The following FAAH2 variants were observed in gnomAD, a reference collection of about 807,000 sequenced individuals.
FAAH2 encodes fatty acid amide hydrolase 2, also known as fatty-acid amide hydrolase 2.
Under a neutral mutation model 36.9 loss-of-function variants are expected in FAAH2, and 60 were observed. That is an observed-to-expected ratio of 1.63 (90% CI 1.32 to 2.02). The LOEUF (loss-of-function observed/expected upper bound fraction) is 2.02, where lower values mean the gene tolerates loss of function less well. FAAH2 is among the 30% of genes most tolerant of loss of function. The pLI is 0.00. For missense variants in FAAH2, 689 were observed against 397.5 expected (o/e 1.73, Z -6.23); for synonymous variants, 214 against 143.8 (o/e 1.49, Z -3.49).
At chrX:57,344,164 G>A (rs1266794097) in intron 5 of FAAH2, among the ~76,000 whole-genome samples, 12 of 108,697 alleles carry the variant, frequency 1.1e-4, no homozygotes, top group East Asian at 5.8e-4. Flanking sequence ...ACAGTATTTC[G>A]ATAGGGATAA....
At chrX:57,470,277 C>CA (rs1569367173) in intron 10 of FAAH2, among the ~76,000 whole-genome samples, 1 of 110,674 alleles carries the variant, frequency 9.0e-6, no homozygotes. Context: ...GATAGAGACA[C>CA]AAAAAACCCT....
Position 57,401,036 on chromosome X carries a change from T to C in FAAH2, c.996+20007T>C, listed in dbSNP as rs771494897. ...CACTTGGGAGGCTGAGGCAGAAGAA[T>C]GGTGTGAACCCAGGAGACAGAGCCT... On this transcript the variant is annotated intron_variant, in intron 7 of 10. Coordinates refer to ENST00000374900, the MANE Select transcript of FAAH2 (RefSeq NM_174912.4). Among the ~76,000 whole-genome samples, 4 of 111,388 alleles carry C rather than the reference T, an allele frequency of 3.6e-5. No homozygotes were observed. The South Asian group carries it at 1.5e-3, about 42-fold the overall frequency.
At chrX:57,418,275 T>A (rs967597248) in intron 7 of FAAH2, among the ~76,000 whole-genome samples, 2 of 111,603 alleles carry the variant, frequency 1.8e-5, no homozygotes, top group Non-Finnish European at 3.8e-5. Context: ...CCACCGGGCT[T>A]TGAGAAAAAA....
rs754229057 is a variant in FAAH2, at chrX:57,286,862, C to G, written c.37C>G (p.Leu13Val). ...PSFTARIQLF[L>V]LRALGFLIGL... ...ATTTACCGCCCGCATTCAGTTGTTC[C>G]TCTTGCGGGCGCTAGGCTTTCTCAT... Residue 13 changes from leucine (L) to valine (V), a missense_variant, in exon 1 of 11, where the codon CTC (leucine) becomes GTC (valine). By Grantham distance (32) the Leu-to-Val change is conservative. Transcript: ENST00000374900. 1 of 1,190,484 alleles carries G rather than the reference C, an allele frequency of 8.4e-7. No homozygotes were observed. The highest frequency in any genetic ancestry group is 1.9e-5 in the South Asian group (1 of 53,153).
the FAAH2 span, among the ~76,000 whole-genome samples, chrX:57,127,720 C>A: frequency 9.0e-6 from 1 of 111,028 alleles, no homozygotes; most frequent in African/African-American, 3.3e-5. Flanking sequence ...ATCTCATTTC[C>A]TTTTTCTCCT....
chrX:57,336,933 C>T (rs892845406), intron 4 of FAAH2, among the ~76,000 whole-genome samples: 2 of 100,292 alleles, frequency 2.0e-5, no homozygotes, highest in Non-Finnish European at 4.0e-5. Context: ...ACAAAAAATC[C>T]TTCAAAAATC....
chrX:57,296,988 G>A (rs1316523294), intron 2 of FAAH2, among the ~76,000 whole-genome samples: 4 of 109,951 alleles, frequency 3.6e-5, no homozygotes, highest in African/African-American at 1.3e-4. Flanking sequence ...TGGTGTACCT[G>A]AAAGTCACGG....
At chrX:57,291,417 G>C (rs2051978804) in intron 1 of FAAH2, among the ~76,000 whole-genome samples, 1 of 111,713 alleles carries the variant, frequency 9.0e-6, no homozygotes, top group African/African-American at 3.2e-5. Context: ...TTTTCACCTA[G>C]TATATGTTTG....
intron 5 of FAAH2, among the ~76,000 whole-genome samples, chrX:57,358,967 C>T (rs2054226025): frequency 9.0e-6 from 1 of 110,801 alleles, no homozygotes; most frequent in South Asian, 3.8e-4. Flanking sequence ...GCATAAAATG[C>T]ATAGTAATCA....
the FAAH2 span, among the ~76,000 whole-genome samples, chrX:57,191,845 A>G: frequency 2.7e-5 from 3 of 111,853 alleles, no homozygotes; most frequent in Non-Finnish European, 3.8e-5. Flanking sequence ...TGGTCTATGC[A>G]TCTTTTTATG....
intron 7 of FAAH2, among the ~76,000 whole-genome samples, chrX:57,430,565 A>G (rs2056271394): frequency 9.0e-6 from 1 of 111,517 alleles, no homozygotes; most frequent in Non-Finnish European, 1.9e-5. Context: ...CTCTGCTTAT[A>G]CAGATTTAGT....
the FAAH2 span, among the ~76,000 whole-genome samples, chrX:57,226,893 A>G: frequency 1.8e-5 from 2 of 111,676 alleles, no homozygotes; most frequent in South Asian, 3.7e-4. Context: ...TAATTCAAAG[A>G]CTTTGTCTTC....
At chrX:57,347,035 G>A (rs1161054832) in intron 5 of FAAH2, among the ~76,000 whole-genome samples, 1 of 111,170 alleles carries the variant, frequency 9.0e-6, no homozygotes, top group Non-Finnish European at 1.9e-5. Context: ...TGATGGCTAT[G>A]TTCCTTGTGG....
chrX:57,455,627 A>G (rs1231893478), intron 10 of FAAH2, among the ~76,000 whole-genome samples: 1 of 112,195 alleles, frequency 8.9e-6, no homozygotes, highest in Non-Finnish European at 1.9e-5. Flanking sequence ...ATAGAAAACA[A>G]CAACAACAAA....
chrX:57,206,813 T>C, the FAAH2 span, among the ~76,000 whole-genome samples: 1 of 112,216 alleles, frequency 8.9e-6, no homozygotes, highest in African/African-American at 3.2e-5. Context: ...AATTAATGGC[T>C]CTTAAGTCAG....
chrX:57,195,499 A>G, the FAAH2 span, among the ~76,000 whole-genome samples: 2 of 111,346 alleles, frequency 1.8e-5, no homozygotes, highest in Non-Finnish European at 3.8e-5. Context: ...TGTGGATTCT[A>G]GGTATTAGTC....
chrX:57,315,635 G>A (rs771426881), intron 3 of FAAH2, among the ~76,000 whole-genome samples: 7 of 111,770 alleles, frequency 6.3e-5, no homozygotes, highest in African/African-American at 1.9e-4. Flanking sequence ...GATTCACCAC[G>A]TAAATGATTA....
At chrX:57,407,854 A>T (rs1481491603) in intron 7 of FAAH2, among the ~76,000 whole-genome samples, 2 of 112,224 alleles carry the variant, frequency 1.8e-5, no homozygotes, top group Non-Finnish European at 3.8e-5. Context: ...GATTAATTTC[A>T]TTCTTTTGCA....
chrX:57,459,632 A>C (rs2056922421), intron 10 of FAAH2, among the ~76,000 whole-genome samples: 1 of 112,174 alleles, frequency 8.9e-6, no homozygotes, highest in African/African-American at 3.2e-5. Context: ...CTCTGGGATT[A>C]AGCTTCCAGA....
Sources: allele counts gnomAD v4.1 joint callset (sites outside exome capture counted in the v4.1 genomes callset), GRCh38; gene constraint gnomAD v4.1.1; transcripts MANE v1.5; gene names NCBI Gene and HGNC (gene_info 2026-07-23, HGNC 2026-07-21).